The following SLC7A8 variants were observed in gnomAD, a reference collection of about 807,000 sequenced individuals.
SLC7A8 encodes large neutral amino acids transporter small subunit 2.
A neutral mutation model predicts 51.2 loss-of-function variants in SLC7A8; 30 were observed. That is an observed-to-expected ratio of 0.59 (90% CI 0.44 to 0.80). The LOEUF is 0.80. SLC7A8 is among the 30% of genes least tolerant of loss of function. The probability of loss-of-function intolerance (pLI) is 0.00; values close to 1 mark genes in which losing one functional copy is unlikely to be tolerated. For synonymous variants in SLC7A8, 257 were observed against 275.8 expected (o/e 0.93, Z 0.67); for missense variants, 612 against 674.4 (o/e 0.91, Z 1.03).
intron 7 of SLC7A8, among the ~76,000 whole-genome samples, chr14:23,137,234 C>G (rs887648771): frequency 2.6e-5 from 4 of 152,206 alleles, no homozygotes; most frequent in Non-Finnish European, 5.9e-5. Context: ...GCTCGCACTT[C>G]TGGCTTCTGA....
rs1489048197 is a variant in SLC7A8 at position 23,139,511 on chromosome 14, C to T, written c.825G>A (p.Leu275=). 1.9e-6 allele frequency: 3 copies of T among 1,614,070 alleles called. No individual in the cohort carries two copies. Among genetic ancestry groups the T allele is most frequent in the Non-Finnish European group, 2.5e-6 (3 of 1,179,996 alleles). ...TGGCAAAGACATACACAAATGTGAC[C>T]AGTGGGATGGAGATGAAGATGGCTC... ...LPRAIFISIP[L]VTFVYVFANV... The change falls in exon 6 of 11, where the codon CTG becomes CTA. Residue 275 remains leucine, a synonymous_variant. Coordinates refer to ENST00000316902, the MANE Select transcript of SLC7A8 (RefSeq NM_012244.4).
chr14:23,180,982 G>A (rs4982738), intron 1 of SLC7A8, among the ~76,000 whole-genome samples: 69,549 of 151,794 alleles, frequency 0.46, 18,647 homozygotes, highest in Admixed American at 0.62. Context: ...AGCCGAGATC[G>A]CGCCACTGCA....
At chr14:23,180,704 A>C (rs1205259393) in intron 1 of SLC7A8, among the ~76,000 whole-genome samples, 1 of 152,190 alleles carries the variant, frequency 6.6e-6, no homozygotes, top group African/African-American at 2.4e-5. Context: ...AATTGTACTT[A>C]TTATACCTGA....
intron 7 of SLC7A8, among the ~76,000 whole-genome samples, chr14:23,132,507 A>C (rs1329739644): frequency 6.6e-6 from 1 of 152,178 alleles, no homozygotes; most frequent in Non-Finnish European, 1.5e-5. Context: ...GCTTGAGCCC[A>C]GAAGTTCAAA....
rs1422474457 is a variant in SLC7A8 at position 23,146,202 on chromosome 14, G to A, written c.509-2998C>T. Among the ~76,000 whole-genome samples, 3 of 152,190 alleles carry A rather than the reference G, an allele frequency of 2.0e-5. No individual in the cohort carries two copies. The East Asian group carries it at 5.8e-4, about 29-fold the overall frequency. The stretch of plus-strand genomic sequence containing the variant: ...GAGATTGATAAAAGGAAGGAAGGAA[G>A]ATTAGGAAACAAACCCCATAAGCCT... On this transcript the variant is annotated intron_variant, in intron 3 of 10. Coordinates refer to ENST00000316902, the MANE Select transcript of SLC7A8 (RefSeq NM_012244.4).
chr14:23,154,465 T>C, intron 3 of SLC7A8: 1 of 986,610 alleles, frequency 1.0e-6, no homozygotes, highest in Non-Finnish European at 1.2e-6. Context: ...GGCTCTGTGA[T>C]TGGCTGCACC....
chr14:23,160,356 G>A (rs1486650059), intron 3 of SLC7A8, among the ~76,000 whole-genome samples: 2 of 152,134 alleles, frequency 1.3e-5, no homozygotes, highest in East Asian at 1.9e-4. Flanking sequence ...TGGATCACGA[G>A]GTCAGGAGAT....
intron 1 of SLC7A8, among the ~76,000 whole-genome samples, chr14:23,166,871 A>G (rs1393738275): frequency 1.3e-5 from 2 of 152,236 alleles, no homozygotes; most frequent in East Asian, 3.8e-4. Flanking sequence ...CTAGGTCCAC[A>G]TCGCAGTAAG....
At chr14:23,175,062 G>A (rs768679397) in intron 1 of SLC7A8, among the ~76,000 whole-genome samples, 1 of 152,198 alleles carries the variant, frequency 6.6e-6, no homozygotes, top group African/African-American at 2.4e-5. Context: ...CAAAAAGACA[G>A]AAAACCTCAG....
chr14:23,136,348 C>T (rs930717320), intron 7 of SLC7A8, among the ~76,000 whole-genome samples: 24 of 152,214 alleles, frequency 1.6e-4, no homozygotes, highest in African/African-American at 5.5e-4. Flanking sequence ...CAGGGTCCTG[C>T]ACTCACGTCC....
intron 3 of SLC7A8, among the ~76,000 whole-genome samples, chr14:23,158,385 G>A (rs998524988): frequency 5.9e-5 from 9 of 152,168 alleles, no homozygotes; most frequent in South Asian, 2.1e-4. Flanking sequence ...TAGCTCTGTC[G>A]CCCAGGCTGG....
chr14:23,158,755 A>G (rs2048906972), intron 3 of SLC7A8, among the ~76,000 whole-genome samples: 1 of 152,168 alleles, frequency 6.6e-6, no homozygotes, highest in South Asian at 2.1e-4. Flanking sequence ...TAGTCAATTA[A>G]TCAATATGTC....
In SLC7A8 at chr14:23,181,069, G is replaced by C. The variant is rs147021830; in HGVS notation, c.151+1695C>G. 9.1e-4 allele frequency among the ~76,000 whole-genome samples: 138 copies of C among 152,248 alleles called. 1 individual carries two copies. In the Middle Eastern group the frequency reaches 0.01, roughly 11 times the overall value. On this transcript the variant is annotated intron_variant, in intron 1 of 10. Coordinates refer to ENST00000316902, the MANE Select transcript of SLC7A8 (RefSeq NM_012244.4). ...CCTGAACCTATATTGGGAAGGGCGA[G>C]CCAGGCTGAGGCAGGAAGGATGTTT...
At chr14:23,160,595 G>A (rs1306748941) in intron 3 of SLC7A8, among the ~76,000 whole-genome samples, 5 of 147,018 alleles carry the variant, frequency 3.4e-5, no homozygotes, top group African/African-American at 5.0e-5. Context: ...AAAAGGGCAC[G>A]CTGTAGGAAT....
At chr14:23,152,549 T>G (rs1322384858) in intron 3 of SLC7A8, among the ~76,000 whole-genome samples, 2 of 151,612 alleles carry the variant, frequency 1.3e-5, no homozygotes, top group Non-Finnish European at 2.9e-5. Context: ...GCCTCCTGAG[T>G]AGCTGAGGTG....
rs1216489016 is a variant in SLC7A8, at chr14:23,180,430, CCT to C, written c.151+2332_151+2333del. ...AGGGGAAGCAGAATGGATTTTGTCCCCTGTTATCATCTTAAAGGGGAAATTTG... is the reference window on the plus strand; with the variant it reads ...AGGGGAAGCAGAATGGATTTTGTCCCGTTATCATCTTAAAGGGGAAATTTG... On this transcript the variant is annotated intron_variant, in intron 1 of 10. Transcript: ENST00000316902. 3.3e-5 allele frequency among the ~76,000 whole-genome samples: 5 copies of C among 152,214 alleles called. No homozygotes were observed. The East Asian group carries it at 5.8e-4, about 18-fold the overall frequency.
chr14:23,180,582 A>C (rs1421138599), intron 1 of SLC7A8, among the ~76,000 whole-genome samples: 1 of 152,152 alleles, frequency 6.6e-6, no homozygotes, highest in Non-Finnish European at 1.5e-5. Flanking sequence ...AGAACACCAG[A>C]ATTGCCATTC....
chr14:23,133,040 C>T lies in SLC7A8; in HGVS notation c.1017-1483G>A, dbSNP rs557674344. 7.3e-5 allele frequency among the ~76,000 whole-genome samples: 11 copies of T among 151,640 alleles called. No homozygotes were observed. The South Asian group carries it at 1.3e-3, about 17-fold the overall frequency. On this transcript the variant is annotated intron_variant, in intron 7 of 10. Coordinates refer to ENST00000316902, the MANE Select transcript of SLC7A8 (RefSeq NM_012244.4). ...ATCCTCCCACCTCGGGCTCCCAAAGCGTTGGGATGACAGGCATGAGCCACC... is the reference window on the plus strand; with the variant it reads ...ATCCTCCCACCTCGGGCTCCCAAAGTGTTGGGATGACAGGCATGAGCCACC...
Position 23,129,667 on chromosome 14 carries a change from T to G in SLC7A8, c.1246A>C (p.Ile416Leu), listed in dbSNP as rs1310176223. ...QIVLRWKKPD[I>L]PRPIKINLLF... ...TCTCTCACCTTGATGGGGCGGGGGA[T>G]ATCAGGCTTCTTCCAGCGAAGGACT... Residue 416 changes from isoleucine (I) to leucine (L), a missense_variant, in exon 9 of 11, where the codon ATC becomes CTC. Transcript: ENST00000316902. 1 of 1,613,994 alleles carries G rather than the reference T, an allele frequency of 6.2e-7. No homozygotes were observed. Among genetic ancestry groups the G allele is most frequent in the South Asian group, 1.1e-5 (1 of 91,080 alleles).
Sources: allele counts gnomAD v4.1 joint callset (sites outside exome capture counted in the v4.1 genomes callset), GRCh38; gene constraint gnomAD v4.1.1; transcripts MANE v1.5; gene names NCBI Gene and HGNC (gene_info 2026-07-23, HGNC 2026-07-21).